SUN1: variants seen among roughly 807,000 people sequenced by gnomAD.
SUN1 encodes the protein SUN domain-containing protein 1.
Under a neutral mutation model 103.2 loss-of-function variants are expected in SUN1, and 61 were observed. The ratio of observed to expected loss-of-function variants is 0.59; its 90% confidence interval spans 0.48 to 0.73. The LOEUF (loss-of-function observed/expected upper bound fraction) is 0.73, where lower values mean the gene tolerates loss of function less well. SUN1 is among the 30% of genes least tolerant of loss of function. SUN1 has a pLI of 0.00. For missense variants in SUN1, 1,052 were observed against 1,034.6 expected (o/e 1.02, Z -0.23); for synonymous variants, 490 against 425.7 (o/e 1.15, Z -1.86).
At chr7:829,886 G>A (rs1796400739), upstream of SUN1, among the ~76,000 whole-genome samples, 1 of 152,138 alleles carries the variant, frequency 6.6e-6, no homozygotes, top group African/African-American at 2.4e-5. Context: ...TAAAACATCG[G>A]CCATATCGCT....
chr7:870,883 CTTTCT>C (rs1200291982), intron 17 of SUN1, among the ~76,000 whole-genome samples: 20 of 126,344 alleles, frequency 1.6e-4, no homozygotes, highest in African/African-American at 2.8e-4. Context: ...TTTTTATTTT[CTTTCT>C]TTTTTTTTTT....
At chr7:829,099 A>G (rs1401356781), upstream of SUN1, among the ~76,000 whole-genome samples, 2 of 152,254 alleles carry the variant, frequency 1.3e-5, no homozygotes, top group Non-Finnish European at 2.9e-5. Context: ...CCGCACATCT[A>G]TGCAGAATGT....
intron 6 of SUN1, 74 bp downstream of exon 6, chr7:851,556 T>C (rs926657037): frequency 8.3e-6 from 9 of 1,085,324 alleles, no homozygotes; most frequent in African/African-American, 1.6e-5. Flanking sequence ...TCGATTTACC[T>C]AACCAAGTAA....
intron 1 of SUN1, among the ~76,000 whole-genome samples, chr7:827,181 C>G (rs1475494382): frequency 6.6e-6 from 1 of 152,042 alleles, no homozygotes; most frequent in Non-Finnish European, 1.5e-5. Context: ...GCCACCACGC[C>G]CGGCTAAGTT....
intron 17 of SUN1, among the ~76,000 whole-genome samples, chr7:871,332 C>T (rs1022347730): frequency 1.3e-5 from 2 of 152,144 alleles, no homozygotes; most frequent in Non-Finnish European, 2.9e-5. Context: ...CTGTTACAGA[C>T]ATACTTTCCA....
intron 2 of SUN1, among the ~76,000 whole-genome samples, chr7:840,060 T>C (rs1055581531): frequency 1.3e-5 from 2 of 152,190 alleles, no homozygotes; most frequent in Non-Finnish European, 2.9e-5. Context: ...ATGTTGCTCA[T>C]GTAAGAATAA....
chr7:869,145 A>T, intron 16 of SUN1: 4 of 617,246 alleles, frequency 6.5e-6, no homozygotes, highest in Non-Finnish European at 8.4e-6. Context: ...TTTAACTTTT[A>T]TACAACATAT....
chr7:850,092 G>C, intron 5 of SUN1: 2 of 1,451,134 alleles, frequency 1.4e-6, no homozygotes, highest in Non-Finnish European at 1.9e-6. Context: ...TTTGTGTCTT[G>C]TGTGGTTTGT....
At chr7:852,784 T>C in intron 8 of SUN1, 26 bp from the exon 9 acceptor site, 1 of 1,611,332 alleles carries the variant, frequency 6.2e-7, no homozygotes, top group East Asian at 2.2e-5. Flanking sequence ...TGTACCTGTG[T>C]GTGTGTGGTG....
intron 17 of SUN1, among the ~76,000 whole-genome samples, chr7:870,887 CTTTTTTTTTTT>C (rs59711259): frequency 2.0e-5 from 2 of 101,082 alleles, no homozygotes; most frequent in African/African-American, 4.3e-5. Context: ...TATTTTCTTT[CTTTTTTTTTTT>C]TTTTTTTTTG....
At position 873,446 on chromosome 7, in the gene SUN1, T is replaced by C. The variant is rs1842995816; in HGVS notation, c.*115T>C. On this transcript the variant is annotated 3_prime_UTR_variant, in exon 19 of 19. Transcript: ENST00000401592. ...ATGGGACAGTGCCACACTCCTTCAA[T>C]AAACGTGGCTGCTGGCCAGAGGACG... The C allele has an allele frequency of 9.6e-7, 1 of 1,036,538 alleles. No individual in the cohort carries two copies. The highest frequency in any genetic ancestry group is 1.5e-5 in the South Asian group (1 of 67,718). 64.2% of individuals were successfully genotyped at this position (1,036,538 alleles called of 1,614,324 possible).
At position 838,860 on chromosome 7, in the gene SUN1, A is replaced by G. The variant is rs1158268326; in HGVS notation, c.140A>G (p.Asp47Gly). 3 of 1,591,198 alleles carry G rather than the reference A, an allele frequency of 1.9e-6. No individual in the cohort carries two copies. In the South Asian group the frequency reaches 3.4e-5, roughly 18 times the overall value. The change falls in exon 2 of 19, where the codon GAT (aspartate) becomes GGT (glycine). Residue 47 changes from aspartate (D) to glycine (G), a missense_variant. By Grantham distance (94) the Asp-to-Gly change is moderately conservative. Transcript: ENST00000401592. ...GAGCACAAATTGGACCCTGTATTTG[A>G]TTCTCCACGGATGTCCCGCCGTAGT... ...ETEHKLDPVFDSPRMSRRSLR... is the reference protein window; with the variant it reads ...ETEHKLDPVFGSPRMSRRSLR...
At chr7:850,782 A>AAAC (rs10660499) in intron 5 of SUN1, 1 of 145,466 alleles carries the variant, frequency 6.9e-6, no homozygotes, top group African/African-American at 2.5e-5. Context: ...AAAAAAAAAA[A>AAAC]CAAAAAAAAA....
upstream of SUN1, chr7:831,939 C>G: frequency 3.2e-6 from 2 of 634,818 alleles, no homozygotes; most frequent in Non-Finnish European, 3.9e-6. Context: ...TCAACACTTT[C>G]TAACCTAAAA....
At chr7:872,422 A>G (rs1197658861) in intron 17 of SUN1, 48 bp from the exon 18 acceptor site, 3 of 1,483,368 alleles carry the variant, frequency 2.0e-6, no homozygotes, top group Non-Finnish European at 2.8e-6. Context: ...CTCTCTGCTC[A>G]GTGTTATTTT....
chr7:817,530 C>G (rs1201129190), intron 1 of SUN1: 14 of 1,534,648 alleles, frequency 9.1e-6, no homozygotes, highest in Non-Finnish European at 1.2e-5. Flanking sequence ...TCTCTGCTCT[C>G]GCTTTGCAGC....
At chr7:858,785 A>G (rs1428434662) in intron 13 of SUN1, among the ~76,000 whole-genome samples, 3 of 152,242 alleles carry the variant, frequency 2.0e-5, no homozygotes, top group Admixed American at 2.0e-4. Flanking sequence ...GGCATTTGCA[A>G]TACGTGTGGT....
chr7:873,322 T>C lies in SUN1; in HGVS notation c.2349T>C (p.Pro783=). The stretch of plus-strand genomic sequence containing the variant: ...ATCGGTTCAGAGTTCATGGCGAACC[T>C]GTCAAGTGAAGACACTACTCATTAT... The part of the protein sequence containing the change: ...CLYRFRVHGE[P]VK Residue 783 remains proline (P), a synonymous_variant, in exon 19 of 19, where the codon CCT becomes CCC. Coordinates refer to ENST00000401592, the MANE Select transcript of SUN1 (RefSeq NM_001130965.3). The C allele has an allele frequency of 1.9e-6, 3 of 1,613,876 alleles. No homozygotes were observed. The highest frequency in any genetic ancestry group is 2.5e-6 in the Non-Finnish European group (3 of 1,179,704).
chr7:841,278 C>G (rs1809594700), intron 2 of SUN1, among the ~76,000 whole-genome samples: 1 of 132,036 alleles, frequency 7.6e-6, no homozygotes, highest in African/African-American at 2.9e-5. Flanking sequence ...GAGTCTGGCT[C>G]TGTCACCCAG....
Sources: gnomAD v4.1 joint callset for allele counts (sites outside exome capture counted in the v4.1 genomes callset) on GRCh38, gnomAD v4.1.1 for gene constraint, MANE v1.5 for transcripts, NCBI Gene and HGNC (gene_info 2026-07-23, HGNC 2026-07-21) for gene names.